ANKRD11: variants seen among roughly 807,000 people sequenced by gnomAD.
ANKRD11 encodes the protein ankyrin repeat domain-containing protein 11.
A neutral mutation model predicts 195.7 loss-of-function variants in ANKRD11; 17 were observed. The observed-to-expected ratio is 0.09, with a 90% CI of 0.06 to 0.13. The LOEUF (loss-of-function observed/expected upper bound fraction) is 0.13, where lower values mean the gene tolerates loss of function less well. ANKRD11 is among the 10% of genes least tolerant of loss of function. The pLI is 1.00. For missense variants in ANKRD11, 3,735 were observed against 3,566.1 expected (o/e 1.05, Z -1.21); for synonymous variants, 1,953 against 1,528.1 (o/e 1.28, Z -6.49).
chr16:89,352,528 G>C (rs1445937286), intron 2 of ANKRD11, among the ~76,000 whole-genome samples: 2 of 152,192 alleles, frequency 1.3e-5, no homozygotes, highest in Non-Finnish European at 2.9e-5. Flanking sequence ...TCAACACAGT[G>C]AGCGAGCCCT....
At chr16:89,286,402 G>C in intron 7 of ANKRD11, 1 of 693,364 alleles carries the variant, frequency 1.4e-6, no homozygotes, top group South Asian at 1.8e-5. Flanking sequence ...AAGGGCTGCA[G>C]CCGCGGGGGC....
chr16:89,437,271 C>T (rs1328781645), intron 1 of ANKRD11, among the ~76,000 whole-genome samples: 1 of 152,166 alleles, frequency 6.6e-6, no homozygotes, highest in Non-Finnish European at 1.5e-5. Flanking sequence ...TGCTAATATG[C>T]TAATATGACA....
At position 89,439,405 on chromosome 16, in the gene ANKRD11, T is replaced by C. The variant is rs553258462; in HGVS notation, c.-144-21037A>G. Reference sequence around the variant, plus strand: ...GGGTTACCTCCCAATAAACCCAGTGTAAAGTCAAAAATCCTAAGTCGAACC... The same window carrying C: ...GGGTTACCTCCCAATAAACCCAGTGCAAAGTCAAAAATCCTAAGTCGAACC... On this transcript the variant is annotated intron_variant, in intron 1 of 12. Transcript: ENST00000301030. Among the ~76,000 whole-genome samples, 7 of 152,276 alleles carry C rather than the reference T, an allele frequency of 4.6e-5. No individual in the cohort carries two copies. The South Asian group carries it at 1.4e-3, about 32-fold the overall frequency.
chr16:89,477,619 A>T (rs1231014601), intron 1 of ANKRD11, among the ~76,000 whole-genome samples: 1 of 151,394 alleles, frequency 6.6e-6, no homozygotes, highest in African/African-American at 2.4e-5. Flanking sequence ...AGCCTCCCAA[A>T]GTGCTGGGAT....
intron 1 of ANKRD11, among the ~76,000 whole-genome samples, chr16:89,438,139 G>T (rs372255984): frequency 6.6e-6 from 1 of 152,196 alleles, no homozygotes; most frequent in South Asian, 2.1e-4. Flanking sequence ...TCCACGAACC[G>T]CGTGCGCAGC....
chr16:89,290,866 G>A (rs775012202), intron 5 of ANKRD11, 38 bp from the exon 6 acceptor site: 13 of 1,611,530 alleles, frequency 8.1e-6, no homozygotes, highest in Non-Finnish European at 1.1e-5. Flanking sequence ...CATTACTGTG[G>A]GGTGGTCCTG....
intron 1 of ANKRD11, among the ~76,000 whole-genome samples, chr16:89,426,513 G>A (rs939532697): frequency 7.1e-6 from 1 of 140,992 alleles, no homozygotes; most frequent in Non-Finnish European, 1.5e-5. Flanking sequence ...AAGAGGCTCT[G>A]ATGGTCACTT....
At chr16:89,375,228 T>C (rs989182530) in intron 2 of ANKRD11, among the ~76,000 whole-genome samples, 5 of 152,150 alleles carry the variant, frequency 3.3e-5, no homozygotes, top group Non-Finnish European at 5.9e-5. Flanking sequence ...AAACACCGTG[T>C]GACACTAATC....
chr16:89,403,563 T>G (rs1408358310), intron 2 of ANKRD11: 1 of 151,258 alleles, frequency 6.6e-6, no homozygotes, highest in Non-Finnish European at 1.5e-5. Context: ...AAAAAAAAAG[T>G]ACACCACCAA....
In ANKRD11 at chr16:89,281,010, G is replaced by A. The variant is rs1364754392; in HGVS notation, c.5532C>T (p.Ala1844=). The change falls in exon 9 of 13, where the codon GCC becomes GCT. Residue 1844 remains alanine, a synonymous_variant. Transcript: ENST00000301030. The surrounding 1 kb of genome is among the most constrained non-coding windows in gnomAD (Gnocchi z 5.5). ...GGGAGTAGTACCCTGGCGACAAGCA[G>A]GCAAACTTCTCCGCGGGAACCGGGG... ...PLPPVPAEKF[A]CLSPGYYSPD... 8 of 1,586,584 alleles carry A rather than the reference G, an allele frequency of 5.0e-6. No individual in the cohort carries two copies. Among genetic ancestry groups the A allele is most frequent in the South Asian group, 3.4e-5 (3 of 87,256 alleles).
chr16:89,415,328 G>A (rs1286564639), intron 2 of ANKRD11, among the ~76,000 whole-genome samples: 13 of 139,640 alleles, frequency 9.3e-5, no homozygotes, highest in African/African-American at 2.2e-4. Context: ...GCAGTGGTGC[G>A]ATCTCGGTTT....
At chr16:89,411,997 G>C (rs1369867674) in intron 2 of ANKRD11, among the ~76,000 whole-genome samples, 1 of 113,800 alleles carries the variant, frequency 8.8e-6, no homozygotes, top group Non-Finnish European at 1.8e-5. Flanking sequence ...ATGCCTCCCA[G>C]AGTCTCCTGG....
chr16:89,339,327 G>A (rs1216257869), intron 2 of ANKRD11, among the ~76,000 whole-genome samples: 1 of 152,112 alleles, frequency 6.6e-6, no homozygotes, highest in African/African-American at 2.4e-5. Flanking sequence ...AGTAAGAGAG[G>A]CCCAGGTTTG....
rs34592614 is a variant in ANKRD11, at chr16:89,349,861, A to AACAC, written c.-59-32787_-59-32784dup. On this transcript the variant is annotated intron_variant, in intron 2 of 12. Coordinates refer to ENST00000301030, the MANE Select transcript of ANKRD11 (RefSeq NM_013275.6). ...AAAATACAGGCCAAATACTTGTTAA[A>AACAC]ACACACACACACACACACACACACA... is the stretch of plus-strand genomic sequence containing the variant. 6.1e-3 allele frequency among the ~76,000 whole-genome samples: 808 copies of AACAC among 133,206 alleles called. 6 individuals carry two copies. Among genetic ancestry groups the AACAC allele is most frequent in the East Asian group, 9.0e-3 (42 of 4,656 alleles). The allele number at this position is 133,206 out of a possible 152,430, so 87.4% of individuals were successfully genotyped here.
chr16:89,418,210 G>C, intron 2 of ANKRD11, 74 bp downstream of exon 2: 1 of 443,648 alleles, frequency 2.3e-6, no homozygotes. Flanking sequence ...GGACACTCAC[G>C]CATTATTTTG....
In ANKRD11 at chr16:89,305,322, G is replaced by A. The variant is rs1486757557; in HGVS notation, c.110C>T (p.Thr37Ile). ...GKKDKDKVSL[T>I]KTPKLERGDG... is the part of the protein sequence containing the mutation. ...GCCACGCTCCAGTTTTGGGGTCTTG[G>A]TTAGAGAAACTTTATCTTTATCCTA... Residue 37 changes from threonine (T) to isoleucine (I), a missense_variant, in exon 4 of 13, where the codon ACC becomes ATC. Coordinates refer to ENST00000301030, the MANE Select transcript of ANKRD11 (RefSeq NM_013275.6). The A allele has an allele frequency of 6.2e-7, 1 of 1,613,972 alleles. No individual in the cohort carries two copies. Among genetic ancestry groups the A allele is most frequent in the South Asian group, 1.1e-5 (1 of 91,090 alleles).
intron 2 of ANKRD11, among the ~76,000 whole-genome samples, chr16:89,415,462 C>T (rs2042261079): frequency 6.8e-6 from 1 of 147,384 alleles, no homozygotes; most frequent in Admixed American, 6.8e-5. Flanking sequence ...GACGGGGTTT[C>T]ACCGTGTTAG....
At chr16:89,448,834 G>T (rs778093006) in intron 1 of ANKRD11, among the ~76,000 whole-genome samples, 2 of 152,062 alleles carry the variant, frequency 1.3e-5, no homozygotes, top group African/African-American at 2.4e-5. Flanking sequence ...CCCGGCATGC[G>T]GGCAGGGCAG....
intron 2 of ANKRD11, among the ~76,000 whole-genome samples, chr16:89,378,482 ACCT>A (rs1408275267): frequency 1.3e-5 from 2 of 152,136 alleles, no homozygotes; most frequent in East Asian, 3.8e-4. Context: ...AACCACAAAA[ACCT>A]CCTCAGAAAA....
Sources: gnomAD v4.1 joint callset for allele counts (sites outside exome capture counted in the v4.1 genomes callset) on GRCh38, gnomAD v4.1.1 for gene constraint, Gnocchi (gnomAD v3.1) non-coding constraint, MANE v1.5 for transcripts, NCBI Gene and HGNC (gene_info 2026-07-23, HGNC 2026-07-21) for gene names.